DIP2C: variants seen among roughly 807,000 people sequenced by gnomAD.
DIP2C encodes the protein DIP2 acetate--CoA ligase C (putative), also known as disco-interacting protein 2 homolog C.
In DIP2C, 33 loss-of-function variants were observed where a neutral mutation model predicts 192.4. That is an observed-to-expected ratio of 0.17 (90% CI 0.13 to 0.23). The LOEUF (loss-of-function observed/expected upper bound fraction) is 0.23. DIP2C is among the 10% of genes least tolerant of loss of function. The probability of loss-of-function intolerance (pLI) is 1.00; values close to 1 mark genes in which losing one functional copy is unlikely to be tolerated. For synonymous variants in DIP2C, 979 were observed against 864.1 expected (o/e 1.13, Z -2.33); for missense variants, 1,537 against 2,110.1 (o/e 0.73, Z 5.32).
chr10:408,213 GT>G (rs1205388816), intron 9 of DIP2C, among the ~76,000 whole-genome samples: 1 of 150,334 alleles, frequency 6.7e-6, no homozygotes, highest in African/African-American at 2.5e-5. Flanking sequence ...TCCTTTCCCC[GT>G]TGAGTATCTT....
intron 1 of DIP2C, among the ~76,000 whole-genome samples, chr10:543,830 A>C (rs1848132099): frequency 6.6e-6 from 1 of 152,260 alleles, no homozygotes. Flanking sequence ...AAAGCTGCAC[A>C]ACAATCACCA....
intron 29 of DIP2C, among the ~76,000 whole-genome samples, chr10:337,720 CTGA>C (rs1267472782): frequency 1.5e-5 from 2 of 133,414 alleles, no homozygotes; most frequent in African/African-American, 5.9e-5. Context: ...GAGGCCTAGG[CTGA>C]TGTGTGTGTG....
At chr10:637,717 G>A (rs1433713288) in intron 1 of DIP2C, among the ~76,000 whole-genome samples, 1 of 152,146 alleles carries the variant, frequency 6.6e-6, no homozygotes, top group African/African-American at 2.4e-5. Context: ...AGGCATTTTT[G>A]CTTCTACAAA....
rs937976637 is a variant in DIP2C, at chr10:595,001, G to A, written c.85+94493C>T. ...TCACCGCAGACCTGGTGCAAAGCACGCACTTCTCAGATGTGTCCCAAGGTG... is the reference window on the plus strand; with the variant it reads ...TCACCGCAGACCTGGTGCAAAGCACACACTTCTCAGATGTGTCCCAAGGTG... On this transcript the variant is annotated intron_variant, in intron 1 of 36. Coordinates refer to ENST00000280886, the MANE Select transcript of DIP2C (RefSeq NM_014974.3). 4.6e-5 allele frequency among the ~76,000 whole-genome samples: 7 copies of A among 152,312 alleles called. No homozygotes were observed. In the East Asian group the frequency reaches 5.8e-4, roughly 13 times the overall value.
chr10:275,452 A>G lies in DIP2C; in HGVS notation c.*1873T>C, dbSNP rs1039383964. ...AAGGATGCACCACATATGCAGACACATTTTTTTAAATGTGCCACTTTTTTT... is the reference window on the plus strand; with the variant it reads ...AAGGATGCACCACATATGCAGACACGTTTTTTTAAATGTGCCACTTTTTTT... On this transcript the variant is annotated 3_prime_UTR_variant, in exon 37 of 37. Coordinates refer to ENST00000280886, the MANE Select transcript of DIP2C (RefSeq NM_014974.3). 6.8e-6 allele frequency: 1 copy of G among 147,472 alleles called. No homozygotes were observed. Among genetic ancestry groups the G allele is most frequent in the Non-Finnish European group, 1.5e-5 (1 of 67,474 alleles). The allele number at this position is 147,472 out of a possible 1,614,324, so 9.1% of individuals were successfully genotyped here. A position where few individuals can be genotyped will look rare whatever the true frequency, so the allele number is the denominator to read the frequency against.
chr10:584,732 G>A lies in DIP2C; in HGVS notation c.86-98202C>T, dbSNP rs551693758. Among the ~76,000 whole-genome samples the A allele has an allele frequency of 1.1e-3, 95 of 86,866 alleles. 2 individuals carry two copies. The highest frequency in any genetic ancestry group is 1.5e-3 in the Non-Finnish European group (71 of 45,880). 57.0% of individuals were successfully genotyped at this position (86,866 alleles called of 152,430 possible). A position where few individuals can be genotyped will look rare whatever the true frequency, so the allele number is the denominator to read the frequency against. On this transcript the variant is annotated intron_variant, in intron 1 of 36. Transcript: ENST00000280886. Reference sequence around the variant, plus strand: ...GGCCCGCGACCTGACCCCCACTCACGCGCATCACCTCTCAGATAATCTCGG... The same window carrying A: ...GGCCCGCGACCTGACCCCCACTCACACGCATCACCTCTCAGATAATCTCGG...
chr10:606,317 G>A (rs1166595308), intron 1 of DIP2C, among the ~76,000 whole-genome samples: 5 of 152,190 alleles, frequency 3.3e-5, no homozygotes, highest in African/African-American at 1.2e-4. Flanking sequence ...ACAGCTCAGG[G>A]CACGGCCACT....
chr10:417,840 C>T (rs370467782), intron 6 of DIP2C, among the ~76,000 whole-genome samples: 9 of 87,350 alleles, frequency 1.0e-4, no homozygotes, highest in South Asian at 4.3e-4. Flanking sequence ...GCCTCCCTGT[C>T]CACCTGCACC....
chr10:450,991 A>G (rs1443821527), intron 3 of DIP2C, among the ~76,000 whole-genome samples: 2 of 152,198 alleles, frequency 1.3e-5, no homozygotes, highest in Non-Finnish European at 2.9e-5. Flanking sequence ...CTATGCCTCA[A>G]TAACGGCATC....
In DIP2C at chr10:281,338, C is replaced by G. The variant is rs756456254; in HGVS notation, c.4295-15G>C. On this transcript the variant is annotated splice_polypyrimidine_tract_variant and intron_variant, in intron 35 of 36. Transcript: ENST00000280886. Reference sequence around the variant, plus strand: ...ATCATGGCGCTCTGTGGAGTAATGACAGCCTGCGTAAGCTTCCCCATAATG... The same window carrying G: ...ATCATGGCGCTCTGTGGAGTAATGAGAGCCTGCGTAAGCTTCCCCATAATG... 1 of 1,598,760 alleles carries G rather than the reference C, an allele frequency of 6.3e-7. No individual in the cohort carries two copies. Among genetic ancestry groups the G allele is most frequent in the Non-Finnish European group, 8.6e-7 (1 of 1,168,996 alleles).
intron 32 of DIP2C, among the ~76,000 whole-genome samples, chr10:290,666 C>T (rs570249051): frequency 3.9e-5 from 6 of 152,134 alleles, no homozygotes; most frequent in African/African-American, 1.2e-4. Flanking sequence ...CCAAGCTGGC[C>T]GGGGCAGCGG....
intron 32 of DIP2C, among the ~76,000 whole-genome samples, chr10:304,708 C>A (rs1277857407): frequency 6.6e-6 from 1 of 151,806 alleles, no homozygotes; most frequent in Non-Finnish European, 1.5e-5. Flanking sequence ...AGCACAAACT[C>A]ATCTGCATGC....
chr10:602,029 G>A (rs934637479), intron 1 of DIP2C, among the ~76,000 whole-genome samples: 1 of 150,658 alleles, frequency 6.6e-6, no homozygotes, highest in African/African-American at 2.4e-5. Context: ...AGGGTCACCT[G>A]CAAGTCAGCC....
chr10:579,106 T>C (rs1850389857), intron 1 of DIP2C, among the ~76,000 whole-genome samples: 1 of 152,084 alleles, frequency 6.6e-6, no homozygotes. Flanking sequence ...ATCCATGTAG[T>C]GTAGGTACAT....
At chr10:640,274 C>T (rs1855099926) in intron 1 of DIP2C, among the ~76,000 whole-genome samples, 1 of 152,274 alleles carries the variant, frequency 6.6e-6, no homozygotes, top group Non-Finnish European at 1.5e-5. Context: ...CCACCAAGGG[C>T]TTTGCTTTGT....
At chr10:654,894 T>G (rs867226127) in intron 1 of DIP2C, among the ~76,000 whole-genome samples, 1 of 152,216 alleles carries the variant, frequency 6.6e-6, no homozygotes, top group Non-Finnish European at 1.5e-5. Context: ...AATATTATAC[T>G]GTTTCATTCT....
chr10:352,948 G>A (rs941341434), intron 24 of DIP2C, among the ~76,000 whole-genome samples: 25 of 152,010 alleles, frequency 1.6e-4, no homozygotes, highest in African/African-American at 5.6e-4. Context: ...CATGAACTCC[G>A]TGTTAAGAAT....
At chr10:662,160 C>T (rs1161952723) in intron 1 of DIP2C, 1 of 716,092 alleles carries the variant, frequency 1.4e-6, no homozygotes, top group Non-Finnish European at 2.6e-6. Flanking sequence ...ACTTTCTGCC[C>T]TCAGATAGGC....
At chr10:413,864 G>C (rs2133095020) in intron 8 of DIP2C, 49 bp downstream of exon 8, 1 of 1,587,754 alleles carries the variant, frequency 6.3e-7, no homozygotes, top group East Asian at 2.3e-5. Flanking sequence ...GTTCGGGAGT[G>C]GCTGTGCGAG....
Sources: gnomAD v4.1 joint callset for allele counts (sites outside exome capture counted in the v4.1 genomes callset) on GRCh38, gnomAD v4.1.1 for gene constraint, MANE v1.5 for transcripts, NCBI Gene and HGNC (gene_info 2026-07-23, HGNC 2026-07-21) for gene names.